Variants in EVI5 observed in about 807,000 individuals in gnomAD.
EVI5 encodes ecotropic viral integration site 5.
EVI5 carries 73 observed loss-of-function variants against 112.0 expected under a neutral mutation model. That is an observed-to-expected ratio of 0.65 (90% confidence interval 0.54 to 0.79). The LOEUF is 0.79. Among genes scored for constraint, EVI5 ranks in the 30% least tolerant of loss-of-function variants. The pLI is 0.00. For missense variants in EVI5, 900 were observed against 968.8 expected (o/e 0.93, Z 0.94); for synonymous variants, 305 against 319.9 (o/e 0.95, Z 0.50).
intron 18 of EVI5, among the ~76,000 whole-genome samples, chr1:92,587,127 C>T (rs937431574): frequency 6.6e-6 from 1 of 151,938 alleles, no homozygotes; most frequent in African/African-American, 2.4e-5. Context: ...AAGTTGGACA[C>T]GAAAGAATCT....
intron 1 of EVI5, among the ~76,000 whole-genome samples, chr1:92,751,158 T>C (rs956468838): frequency 6.6e-6 from 1 of 151,388 alleles, no homozygotes; most frequent in Non-Finnish European, 1.5e-5. Context: ...TCAAAAAAAA[T>C]AAAAATAAAT....
At chr1:92,629,734 C>A (rs1307431433) in intron 14 of EVI5, among the ~76,000 whole-genome samples, 6 of 151,858 alleles carry the variant, frequency 4.0e-5, no homozygotes, top group Non-Finnish European at 4.4e-5. Flanking sequence ...GTTAAATATA[C>A]ATACATGTGC....
At chr1:92,538,820 A>G (rs768573196) in intron 19 of EVI5, among the ~76,000 whole-genome samples, 1 of 152,166 alleles carries the variant, frequency 6.6e-6, no homozygotes, top group Non-Finnish European at 1.5e-5. Flanking sequence ...CATGGGGAAA[A>G]GCCTAAGGCC....
intron 13 of EVI5, among the ~76,000 whole-genome samples, chr1:92,644,424 A>G (rs543442884): frequency 6.6e-6 from 1 of 152,308 alleles, no homozygotes; most frequent in South Asian, 2.1e-4. Context: ...CTGGACACAG[A>G]TCTGTCAACT....
chr1:92,591,355 T>C (rs1418034598), intron 18 of EVI5, among the ~76,000 whole-genome samples: 1 of 152,132 alleles, frequency 6.6e-6, no homozygotes, highest in Non-Finnish European at 1.5e-5. Flanking sequence ...GTGTGCTGTA[T>C]TCAGGAAACC....
At chr1:92,584,851 C>A (rs1188049788) in intron 18 of EVI5, among the ~76,000 whole-genome samples, 1 of 152,086 alleles carries the variant, frequency 6.6e-6, no homozygotes, top group Non-Finnish European at 1.5e-5. Flanking sequence ...TAGTATTTTT[C>A]AGTATTAAGA....
At chr1:92,632,647 G>T (rs1657444191) in intron 14 of EVI5, among the ~76,000 whole-genome samples, 2 of 152,006 alleles carry the variant, frequency 1.3e-5, no homozygotes, top group South Asian at 2.1e-4. Context: ...TTGATTTTTT[G>T]AAGGGCTTTT....
chr1:92,527,190 G>A (rs557268672), intron 19 of EVI5, among the ~76,000 whole-genome samples: 1 of 152,140 alleles, frequency 6.6e-6, no homozygotes, highest in African/African-American at 2.4e-5. Flanking sequence ...GGAGGCAGGT[G>A]GATCACTTGA....
At chr1:92,735,825 A>T (rs1400648653) in intron 2 of EVI5, among the ~76,000 whole-genome samples, 1 of 144,434 alleles carries the variant, frequency 6.9e-6, no homozygotes. Flanking sequence ...ATATTATTAT[A>T]ATATAATCTA....
chr1:92,650,014 G>T (rs1214501423), intron 13 of EVI5, among the ~76,000 whole-genome samples: 5 of 152,060 alleles, frequency 3.3e-5, no homozygotes, highest in Admixed American at 6.6e-5. Context: ...TTTATTTCTG[G>T]ACTCTCATTT....
At chr1:92,693,270 G>C (rs992033964) in intron 9 of EVI5, among the ~76,000 whole-genome samples, 5 of 151,922 alleles carry the variant, frequency 3.3e-5, no homozygotes, top group African/African-American at 1.2e-4. Flanking sequence ...GGTACTTCCT[G>C]TACTCAGGAA....
At chr1:92,585,612 T>A (rs1672652023) in intron 18 of EVI5, among the ~76,000 whole-genome samples, 2 of 152,178 alleles carry the variant, frequency 1.3e-5, no homozygotes, top group Non-Finnish European at 2.9e-5. Context: ...ATAATTCCAA[T>A]GGCTCCTAAA....
chr1:92,584,705 A>G (rs995696108), intron 18 of EVI5, among the ~76,000 whole-genome samples: 2 of 152,206 alleles, frequency 1.3e-5, no homozygotes, highest in African/African-American at 2.4e-5. Flanking sequence ...AGTTTCCTGT[A>G]ATTTAAAGTC....
chr1:92,732,352 C>A, intron 2 of EVI5: 1 of 349,462 alleles, frequency 2.9e-6, no homozygotes, highest in Non-Finnish European at 5.6e-6. Context: ...TTGTTAAAGA[C>A]ATTGATTCCA....
chr1:92,621,382 C>T (rs1654545539), intron 16 of EVI5, among the ~76,000 whole-genome samples: 1 of 152,228 alleles, frequency 6.6e-6, no homozygotes, highest in Admixed American at 6.5e-5. Context: ...GATCTTGGCT[C>T]ACTGCTGCAA....
At chr1:92,781,444 C>T (rs1274268730) in intron 1 of EVI5, among the ~76,000 whole-genome samples, 3 of 150,562 alleles carry the variant, frequency 2.0e-5, no homozygotes, top group Non-Finnish European at 1.5e-5. Context: ...GCACAGGAGG[C>T]GGAGGTTGCA....
In EVI5 at chr1:92,635,022, C is replaced by A. The variant is rs558162319; in HGVS notation, c.1527+1180G>T. ...ATTTGGTGAACAGCAAATGTTGCTGCCTGATCGTTCCTCTGGAAGCTTTGT... is the reference window on the plus strand; with the variant it reads ...ATTTGGTGAACAGCAAATGTTGCTGACTGATCGTTCCTCTGGAAGCTTTGT... On this transcript the variant is annotated intron_variant, in intron 14 of 19. Transcript: ENST00000684568. Among the ~76,000 whole-genome samples the A allele has an allele frequency of 2.0e-5, 3 of 152,284 alleles. No individual in the cohort carries two copies. The South Asian group carries it at 6.2e-4, about 32-fold the overall frequency.
At chr1:92,648,499 A>T (rs1661440521) in intron 13 of EVI5, among the ~76,000 whole-genome samples, 1 of 152,168 alleles carries the variant, frequency 6.6e-6, no homozygotes, top group Non-Finnish European at 1.5e-5. Context: ...ATCATTCTAA[A>T]GTAAAACCCC....
At chr1:92,634,586 T>C (rs1220705212) in intron 14 of EVI5, among the ~76,000 whole-genome samples, 2 of 152,318 alleles carry the variant, frequency 1.3e-5, no homozygotes, top group Non-Finnish European at 2.9e-5. Flanking sequence ...TTGTCCAATC[T>C]TTTTTCAAGG....
Sources: allele counts gnomAD v4.1 joint callset (sites outside exome capture counted in the v4.1 genomes callset), GRCh38; gene constraint gnomAD v4.1.1; transcripts MANE v1.5; gene names NCBI Gene and HGNC (gene_info 2026-07-23, HGNC 2026-07-21).